RHOBTB3: variants seen among roughly 807,000 people sequenced by gnomAD.
RHOBTB3 encodes rho-related BTB domain-containing protein 3.
RHOBTB3 carries 47 observed loss-of-function variants against 67.2 expected under a neutral mutation model. The observed-to-expected ratio is 0.70, with a 90% CI of 0.55 to 0.89. The LOEUF is 0.89. Ranked by LOEUF, RHOBTB3 falls within the 40% of genes least tolerant of loss-of-function variation. RHOBTB3 has a pLI of 0.00. For missense variants in RHOBTB3, 631 were observed against 750.0 expected (o/e 0.84, Z 1.85); for synonymous variants, 273 against 274.2 (o/e 1.00, Z 0.04).
chr5:95,731,659 C>T lies in RHOBTB3; in HGVS notation c.-24C>T. 2 of 1,613,168 alleles carry T rather than the reference C, an allele frequency of 1.2e-6. No homozygotes were observed. Among genetic ancestry groups the T allele is most frequent in the Non-Finnish European group, 1.7e-6 (2 of 1,179,710 alleles). ...GAGCCGCTGCTTTTCTCCGAGTCGCCGCCCTGCCCTTGGATTTGAGATCAT... is the reference window on the plus strand; with the variant it reads ...GAGCCGCTGCTTTTCTCCGAGTCGCTGCCCTGCCCTTGGATTTGAGATCAT... On this transcript the variant is annotated 5_prime_UTR_variant, in exon 1 of 12. Coordinates refer to ENST00000379982, the MANE Select transcript of RHOBTB3 (RefSeq NM_014899.4).
At chr5:95,718,390 A>G (rs1754749476) in intron 1 of RHOBTB3, among the ~76,000 whole-genome samples, 1 of 152,238 alleles carries the variant, frequency 6.6e-6, no homozygotes, top group South Asian at 2.1e-4. Context: ...TTCTTATTGA[A>G]TTTTGACTGG....
intron 3 of RHOBTB3, among the ~76,000 whole-genome samples, chr5:95,739,859 C>T (rs1755549788): frequency 6.6e-6 from 1 of 152,206 alleles, no homozygotes; most frequent in Non-Finnish European, 1.5e-5. Flanking sequence ...ATCTTTTTAA[C>T]AGCCTGATAC....
intron 7 of RHOBTB3, 24 bp from the exon 8 acceptor site, chr5:95,768,022 C>T (rs753561451): frequency 1.6e-5 from 26 of 1,608,600 alleles, no homozygotes; most frequent in Non-Finnish European, 2.1e-5. Context: ...CAACCTTTCC[C>T]TGTATTTTTG....
chr5:95,752,313 C>T lies in RHOBTB3; in HGVS notation c.645C>T (p.Ser215=). ...TGAAGAAAAGAAAAATGAGCAACTCCTTTCATGGAATTAGACCACCTCAAC... is the reference window on the plus strand; with the variant it reads ...TGAAGAAAAGAAAAATGAGCAACTCTTTTCATGGAATTAGACCACCTCAAC... ...EKMKKRKMSN[S]FHGIRPPQLE... Residue 215 remains serine, a synonymous_variant, in exon 5 of 12, where the codon TCC becomes TCT. Transcript: ENST00000379982. 2 of 1,608,160 alleles carry T rather than the reference C, an allele frequency of 1.2e-6. No homozygotes were observed. The highest frequency in any genetic ancestry group is 1.7e-6 in the Non-Finnish European group (2 of 1,177,792).
chr5:95,722,212 G>A (rs973477744), intron 1 of RHOBTB3, among the ~76,000 whole-genome samples: 1 of 152,134 alleles, frequency 6.6e-6, no homozygotes. Flanking sequence ...AGCAAAGGGA[G>A]TGCAGGAGAT....
At chr5:95,783,016 T>C (rs1160761944) in intron 9 of RHOBTB3, among the ~76,000 whole-genome samples, 1 of 151,670 alleles carries the variant, frequency 6.6e-6, no homozygotes, top group Admixed American at 6.6e-5. Flanking sequence ...TAGAATCACC[T>C]TTTCTGAAGA....
intron 3 of RHOBTB3, among the ~76,000 whole-genome samples, chr5:95,743,483 C>G (rs1755658083): frequency 6.6e-6 from 1 of 152,012 alleles, no homozygotes; most frequent in Non-Finnish European, 1.5e-5. Flanking sequence ...CAGTGTGAGC[C>G]TGTACTCAGA....
intron 2 of RHOBTB3, among the ~76,000 whole-genome samples, chr5:95,734,570 G>A (rs1755409363): frequency 1.3e-5 from 2 of 152,018 alleles, no homozygotes; most frequent in Admixed American, 1.3e-4. Flanking sequence ...TTATATACTT[G>A]GCACTTTTAA....
At chr5:95,773,466 G>GGCA (rs1171967372) in intron 8 of RHOBTB3, among the ~76,000 whole-genome samples, 1 of 152,228 alleles carries the variant, frequency 6.6e-6, no homozygotes, top group Non-Finnish European at 1.5e-5. Context: ...GGGAGCTGTA[G>GGCA]GCAGCAGCAG....
intron 5 of RHOBTB3, among the ~76,000 whole-genome samples, chr5:95,752,938 T>C (rs1039156710): frequency 6.6e-6 from 1 of 152,102 alleles, no homozygotes; most frequent in African/African-American, 2.4e-5. Context: ...GAGACCATCC[T>C]GGCTAACACG....
At position 95,737,824 on chromosome 5, in the gene RHOBTB3, C is replaced by T. The variant is rs937242514; in HGVS notation, c.415+749C>T. ...ATACAGCCACGCAACCCACATACAT[C>T]AAGGTATAGAACATTTGCAGCACTT... On this transcript the variant is annotated intron_variant, in intron 3 of 11. Transcript: ENST00000379982. Among the ~76,000 whole-genome samples the T allele has an allele frequency of 1.1e-4, 17 of 152,336 alleles. No individual in the cohort carries two copies. In the South Asian group the frequency reaches 2.1e-3, roughly 19 times the overall value.
At chr5:95,741,587 G>A (rs1447602490) in intron 3 of RHOBTB3, among the ~76,000 whole-genome samples, 6 of 125,902 alleles carry the variant, frequency 4.8e-5, no homozygotes, top group African/African-American at 1.5e-4. Flanking sequence ...GTCTGAACTC[G>A]GGCCTAAGCA....
chr5:95,791,958 C>G (rs1210762142), intron 11 of RHOBTB3, among the ~76,000 whole-genome samples: 1 of 152,116 alleles, frequency 6.6e-6, no homozygotes, highest in Non-Finnish European at 1.5e-5. Context: ...CTCATTGTCC[C>G]CAGCCCCTAT....
intron 1 of RHOBTB3, among the ~76,000 whole-genome samples, chr5:95,720,688 T>C (rs1276305989): frequency 2.6e-5 from 4 of 152,174 alleles, no homozygotes; most frequent in African/African-American, 7.2e-5. Flanking sequence ...TCTTATGTTA[T>C]ACCAGGGCTT....
At chr5:95,757,941 A>G (rs1351091435) in intron 6 of RHOBTB3, among the ~76,000 whole-genome samples, 2 of 152,250 alleles carry the variant, frequency 1.3e-5, no homozygotes, top group Non-Finnish European at 2.9e-5. Context: ...AAGATTTTGA[A>G]AAACTAACAT....
At chr5:95,767,848 A>G in intron 7 of RHOBTB3, 198 bp from the exon 8 acceptor site, 1 of 708,928 alleles carries the variant, frequency 1.4e-6, no homozygotes, top group South Asian at 1.5e-5. Context: ...TGCCAAAGAG[A>G]GCAGTGTTGT....
At chr5:95,768,414 G>A (rs931600067) in intron 8 of RHOBTB3, among the ~76,000 whole-genome samples, 4 of 151,754 alleles carry the variant, frequency 2.6e-5, no homozygotes, top group African/African-American at 9.7e-5. Context: ...CAACTTTTAG[G>A]GCCTAGCAAG....
chr5:95,755,844 T>C (rs1404164660), intron 6 of RHOBTB3, 83 bp downstream of exon 6: 3 of 1,425,024 alleles, frequency 2.1e-6, no homozygotes, highest in Non-Finnish European at 2.9e-6. Context: ...AGGGTACTGG[T>C]TAGTTTTACA....
intron 10 of RHOBTB3, among the ~76,000 whole-genome samples, chr5:95,787,434 C>G (rs1379331735): frequency 7.0e-6 from 1 of 142,994 alleles, no homozygotes; most frequent in African/African-American, 2.7e-5. Flanking sequence ...TGTTTAAATA[C>G]TCTCACACTA....
Sources: allele counts gnomAD v4.1 joint callset (sites outside exome capture counted in the v4.1 genomes callset), GRCh38; gene constraint gnomAD v4.1.1; transcripts MANE v1.5; gene names NCBI Gene and HGNC (gene_info 2026-07-23, HGNC 2026-07-21).